Variants in PATJ observed in about 807,000 individuals in gnomAD.
PATJ encodes PATJ crumbs cell polarity complex component, also known as inaD-like protein.
Under a neutral mutation model 224.9 loss-of-function variants are expected in PATJ, and 190 were observed. That is an observed-to-expected ratio of 0.84 (90% CI 0.75 to 0.95). PATJ has a LOEUF of 0.95. Among genes scored for constraint, PATJ ranks in the 40% least tolerant of loss-of-function variants. PATJ has a pLI of 0.00. For synonymous variants in PATJ, 769 were observed against 820.3 expected (o/e 0.94, Z 1.07); for missense variants, 2,121 against 2,270.3 (o/e 0.93, Z 1.34).
In PATJ at chr1:61,997,246, C is replaced by T. The variant is rs190325664; in HGVS notation, c.3867+6882C>T. 4.1e-4 allele frequency among the ~76,000 whole-genome samples: 62 copies of T among 152,166 alleles called. 1 individual carries two copies. The highest frequency in any genetic ancestry group is 1.5e-3 in the African/African-American group (62 of 41,536). ...GACACAAATACATATTGTAAGCAAG[C>T]CCTGAATATGACCTTCCCATATGCA... On this transcript the variant is annotated intron_variant, in intron 28 of 43. Transcript: ENST00000642238.
At chr1:62,126,254 T>C (rs929352991) in intron 39 of PATJ, among the ~76,000 whole-genome samples, 8 of 152,314 alleles carry the variant, frequency 5.3e-5, no homozygotes, top group Admixed American at 5.2e-4. Context: ...ATGTTAGCAT[T>C]CACCGTACCT....
chr1:61,754,984 G>A (rs1645551476), intron 1 of PATJ, among the ~76,000 whole-genome samples: 1 of 151,992 alleles, frequency 6.6e-6, no homozygotes, highest in African/African-American at 2.4e-5. Flanking sequence ...TCTCCAAAAT[G>A]TGCAAGATGA....
At chr1:61,866,653 G>A (rs953664045) in intron 20 of PATJ, among the ~76,000 whole-genome samples, 1 of 152,016 alleles carries the variant, frequency 6.6e-6, no homozygotes, top group African/African-American at 2.4e-5. Context: ...CCTCTTATAA[G>A]TTTGTATTGA....
At chr1:61,920,700 T>TTC (rs543065918) in intron 26 of PATJ, among the ~76,000 whole-genome samples, 2 of 134,716 alleles carry the variant, frequency 1.5e-5, no homozygotes, top group African/African-American at 5.7e-5. Context: ...TTGTATGGAA[T>TTC]TCTTTTTTTT....
At chr1:62,129,008 A>G (rs1029644789) in intron 41 of PATJ, 63 bp downstream of exon 41, 4 of 1,065,008 alleles carry the variant, frequency 3.8e-6, no homozygotes, top group Admixed American at 1.7e-5. Flanking sequence ...AAAAAGATTG[A>G]GCGTCACTGG....
intron 26 of PATJ, among the ~76,000 whole-genome samples, chr1:61,921,050 T>C (rs1272008632): frequency 1.3e-5 from 2 of 152,144 alleles, no homozygotes; most frequent in East Asian, 1.9e-4. Flanking sequence ...TCTTTTTCTC[T>C]TCCACCTCAA....
At chr1:62,039,383 A>G (rs1336937028) in intron 30 of PATJ, among the ~76,000 whole-genome samples, 2 of 152,234 alleles carry the variant, frequency 1.3e-5, no homozygotes, top group Admixed American at 6.5e-5. Flanking sequence ...GGAGGAAAAA[A>G]AAACAAGTGT....
intron 20 of PATJ, among the ~76,000 whole-genome samples, chr1:61,873,978 A>G (rs1297790747): frequency 6.6e-6 from 1 of 152,114 alleles, no homozygotes; most frequent in African/African-American, 2.4e-5. Context: ...CTTTTTGCTT[A>G]AAAATTCCAC....
chr1:61,900,305 C>G (rs1670949510), intron 23 of PATJ, among the ~76,000 whole-genome samples: 1 of 152,054 alleles, frequency 6.6e-6, no homozygotes, highest in Non-Finnish European at 1.5e-5. Flanking sequence ...TTCAGAGTTA[C>G]TTTTTTTAAT....
At chr1:62,131,188 A>C (rs1666222027) in intron 41 of PATJ, among the ~76,000 whole-genome samples, 1 of 152,136 alleles carries the variant, frequency 6.6e-6, no homozygotes, top group South Asian at 2.1e-4. Context: ...CCTGGTCCTC[A>C]CTTTCAGTGG....
chr1:61,884,335 C>A lies in PATJ; in HGVS notation c.3058C>A (p.Gln1020Lys). ...EQEDLPLYQH[Q>K]ATRVISKASA... Reference sequence around the variant, plus strand: ...AGAAGATTTGCCTTTATATCAACACCAAGCGACACGAGTTATTTCCAAGGC... The same window carrying A: ...AGAAGATTTGCCTTTATATCAACACAAAGCGACACGAGTTATTTCCAAGGC... The change falls in exon 22 of 44, where the codon CAA becomes AAA. Residue 1020 changes from glutamine (Q) to lysine (K), a missense_variant. Transcript: ENST00000642238. 1 of 1,613,360 alleles carries A rather than the reference C, an allele frequency of 6.2e-7. No homozygotes were observed.
intron 7 of PATJ, among the ~76,000 whole-genome samples, chr1:61,785,152 T>C (rs991694761): frequency 7.9e-5 from 12 of 152,224 alleles, no homozygotes; most frequent in African/African-American, 2.9e-4. Flanking sequence ...TAGCTTGCGG[T>C]GGTGCCACCT....
intron 14 of PATJ, among the ~76,000 whole-genome samples, chr1:61,820,935 T>C (rs1431590377): frequency 6.6e-6 from 1 of 152,068 alleles, no homozygotes; most frequent in Non-Finnish European, 1.5e-5. Flanking sequence ...ATGACACTAA[T>C]ATCTCCTTAG....
chr1:62,159,243 G>A (rs901756246), intron 43 of PATJ, among the ~76,000 whole-genome samples: 4 of 152,116 alleles, frequency 2.6e-5, no homozygotes, highest in Non-Finnish European at 5.9e-5. Context: ...CCCAGGCTGA[G>A]TGCAATGGGA....
chr1:61,919,096 TC>T (rs1423585818), intron 26 of PATJ, among the ~76,000 whole-genome samples: 1 of 152,190 alleles, frequency 6.6e-6, no homozygotes, highest in African/African-American at 2.4e-5. Flanking sequence ...AATTTTTTTT[TC>T]TGAAGAATTA....
intron 27 of PATJ, among the ~76,000 whole-genome samples, chr1:61,975,764 C>T (rs1014954765): frequency 4.6e-5 from 7 of 152,006 alleles, no homozygotes; most frequent in Non-Finnish European, 1.0e-4. Flanking sequence ...CTTATCGTCT[C>T]CTTCATTCCT....
intron 25 of PATJ, among the ~76,000 whole-genome samples, chr1:61,911,448 G>A (rs1048093978): frequency 1.3e-5 from 2 of 151,954 alleles, no homozygotes; most frequent in African/African-American, 4.8e-5. Flanking sequence ...TCCTGACCTC[G>A]TGATCCGCCC....
At chr1:62,123,089 TC>T in intron 39 of PATJ, 31 bp downstream of exon 39, 1 of 1,552,156 alleles carries the variant, frequency 6.4e-7, no homozygotes, top group East Asian at 2.3e-5. Flanking sequence ...TATGTATTTT[TC>T]TGGTTTGTGT....
intron 1 of PATJ, among the ~76,000 whole-genome samples, chr1:61,759,433 A>G (rs1343675718): frequency 7.0e-6 from 1 of 143,884 alleles, no homozygotes. Flanking sequence ...TTTTTGAGAC[A>G]AAGTCTTGCT....
Sources: gnomAD v4.1 joint callset for allele counts (sites outside exome capture counted in the v4.1 genomes callset) on GRCh38, gnomAD v4.1.1 for gene constraint, MANE v1.5 for transcripts, NCBI Gene and HGNC (gene_info 2026-07-23, HGNC 2026-07-21) for gene names.